Variants in IRX3 observed in about 807,000 individuals in gnomAD.
The protein encoded by IRX3 is iroquois homeobox 3.
IRX3 carries 20 observed loss-of-function variants against 36.4 expected under a neutral mutation model. That is an observed-to-expected ratio of 0.55 (90% CI 0.39 to 0.80). The LOEUF (loss-of-function observed/expected upper bound fraction) is 0.80. Among genes scored for constraint, IRX3 ranks in the 30% least tolerant of loss-of-function variants. The pLI is 0.00. For synonymous variants in IRX3, 404 were observed against 351.6 expected, an observed-to-expected ratio of 1.15 and a Z score of -1.67; for missense variants, 718 against 733.2, an observed-to-expected ratio of 0.98 and a Z score of 0.24.
At position 54,285,833 on chromosome 16, in the gene IRX3, T is replaced by C. The variant is rs746071257; in HGVS notation, c.218A>G (p.Tyr73Cys). Residue 73 changes from tyrosine (Y) to cysteine (C), a missense_variant, in exon 1 of 4, where the codon TAC becomes TGC. By Grantham distance (194) the Tyr-to-Cys change is radical (BLOSUM62 -2). Coordinates refer to ENST00000329734, the MANE Select transcript of IRX3 (RefSeq NM_024336.3). This position sits in a 1 kb window ranked among gnomAD's most constrained non-coding sequence, Gnocchi z 5.7. ...AAAAAAAAQGYGAFLPYAAEL... is the reference protein window; with the variant it reads ...AAAAAAAAQGCGAFLPYAAEL... ...CGCGGCGTAGGGCAGGAAGGCGCCG[T>C]AGCCTTGGGCGGCGGCGGCCGCAGC... 5.1e-6 allele frequency: 8 copies of C among 1,562,248 alleles called. No homozygotes were observed. Among genetic ancestry groups the C allele is most frequent in the South Asian group, 2.3e-5 (2 of 85,536 alleles).
Position 54,285,457 on chromosome 16 carries a change from G to A in IRX3, c.424C>T (p.Leu142=), listed in dbSNP as rs1596759625. 6.2e-7 allele frequency: 1 copy of A among 1,614,072 alleles called. No individual in the cohort carries two copies. Among genetic ancestry groups the A allele is most frequent in the East Asian group, 2.2e-5 (1 of 44,864 alleles). ...KNATRESTST[L]KAWLNEHRKN... Reference sequence around the variant, plus strand: ...CGGTGCTCGTTGAGCCAGGCCTTCAGCGTGCTGGTGCTCTCCCTGGTGGCG... The same window carrying A: ...CGGTGCTCGTTGAGCCAGGCCTTCAACGTGCTGGTGCTCTCCCTGGTGGCG... Residue 142 remains leucine (L), a synonymous_variant, in exon 2 of 4, where the codon CTG becomes TTG. Transcript: ENST00000329734. This position sits in a 1 kb window ranked among gnomAD's most constrained non-coding sequence, Gnocchi z 5.7.
Position 54,284,172 on chromosome 16 carries a change from G to T in IRX3, c.1451+74C>A. The T allele has an allele frequency of 1.4e-6, 2 of 1,436,346 alleles. No individual in the cohort carries two copies. Among genetic ancestry groups the T allele is most frequent in the Non-Finnish European group, 1.9e-6 (2 of 1,035,130 alleles). 89.0% of individuals were successfully genotyped at this position (1,436,346 alleles called of 1,614,324 possible). ...CCCCCCTACCCCGGGGCAAAAGGCC[G>T]TGCGTGGTGCTCGGCGTCCTCTCCT... On this transcript the variant is annotated intron_variant, in intron 3 of 3. Coordinates refer to ENST00000329734, the MANE Select transcript of IRX3 (RefSeq NM_024336.3). This position sits in a 1 kb window ranked among gnomAD's most constrained non-coding sequence, Gnocchi z 4.0.
rs1450355 is a variant in IRX3 at position 54,284,616 on chromosome 16, A to G, written c.1265T>C (p.Leu422Pro). ...PFPGPPPGPRLHPLSLLGSAP... is the reference protein window; with the variant it reads ...PFPGPPPGPRPHPLSLLGSAP... ...AGAGCCCAGCAGGGAGAGCGGGTGC[A>G]GGCGGGGGCCGGGCGGTGGGCCTGG... Residue 422 changes from leucine (L) to proline (P), a missense_variant, in exon 2 of 4, where the codon CTG becomes CCG. Leu to Pro is a moderately conservative substitution (Grantham distance 98, BLOSUM62 -3). Around this residue, in one of 3 missense-constraint regions of IRX3, gnomAD observed 468 missense variants for 462.1 expected, o/e 1.01. Coordinates refer to ENST00000329734, the MANE Select transcript of IRX3 (RefSeq NM_024336.3). This position sits in a 1 kb window ranked among gnomAD's most constrained non-coding sequence, Gnocchi z 4.0. The G allele has an allele frequency of 1, 1,366,850 of 1,372,996 alleles. 680,605 individuals carry two copies. The highest frequency in any genetic ancestry group is 1 in the East Asian group (32,751 of 32,752). The allele number at this position is 1,372,996 out of a possible 1,614,324, so 85.1% of individuals were successfully genotyped here.
In IRX3 at chr16:54,285,541, G is replaced by T; in HGVS notation, c.340C>A (p.His114Asn). 1 of 1,609,018 alleles carries T rather than the reference G, an allele frequency of 6.2e-7. No homozygotes were observed. The highest frequency in any genetic ancestry group is 8.5e-7 in the Non-Finnish European group (1 of 1,177,404). ...PAAAAAFPHP[H>N]PAFYPYGQYQ... is the part of the protein sequence containing the mutation. ...TGGCCATACGGGTAGAAGGCGGGGT[G>T]CGGGTGCGGAAACGCGGCAGCCGCG... Residue 114 changes from histidine to asparagine, a missense_variant, in exon 2 of 4, where the codon CAC becomes AAC. Transcript: ENST00000329734. This position sits in a 1 kb window ranked among gnomAD's most constrained non-coding sequence, Gnocchi z 5.7.
In IRX3 at chr16:54,284,891, G is replaced by A; in HGVS notation, c.990C>T (p.Ser330=). ...CTGGTGCGGGAGCGCAGGGGTCCAG[G>A]CTCACGGGGGGCGACGGCAGAGACG... The part of the protein sequence containing the change: ...ASPSLPSPPV[S]LDPCAPAPAP... Residue 330 remains serine (S), a synonymous_variant, in exon 2 of 4, where the codon AGC becomes AGT. Transcript: ENST00000329734. This position sits in a 1 kb window ranked among gnomAD's most constrained non-coding sequence, Gnocchi z 4.0. The A allele has an allele frequency of 6.4e-7, 1 of 1,571,302 alleles. No homozygotes were observed. The highest frequency in any genetic ancestry group is 8.6e-7 in the Non-Finnish European group (1 of 1,159,638).
Position 54,286,384 on chromosome 16 carries a change from T to C in IRX3, c.-334A>G. 1 of 986,976 alleles carries C rather than the reference T, an allele frequency of 1.0e-6. No homozygotes were observed. Among genetic ancestry groups the C allele is most frequent in the Non-Finnish European group, 1.2e-6 (1 of 831,160 alleles). 61.1% of individuals were successfully genotyped at this position (986,976 alleles called of 1,614,324 possible). A position where few individuals can be genotyped will look rare whatever the true frequency, so the allele number is the denominator to read the frequency against. On this transcript the variant is annotated 5_prime_UTR_variant, in exon 1 of 4. Coordinates refer to ENST00000329734, the MANE Select transcript of IRX3 (RefSeq NM_024336.3). The stretch of plus-strand genomic sequence containing the variant: ...CGCCGGAGCTGCCTCTGCCCGCTCC[T>C]CGCTCCTCACTGCCCTCCTCTCCCC...
chr16:54,286,529 G>C lies in IRX3; in HGVS notation c.-479C>G. The C allele has an allele frequency of 3.4e-6, 1 of 292,278 alleles. No homozygotes were observed. Among genetic ancestry groups the C allele is most frequent in the Non-Finnish European group, 5.1e-6 (1 of 196,530 alleles). The allele number at this position is 292,278 out of a possible 1,614,324, so 18.1% of individuals were successfully genotyped here. A position where few individuals can be genotyped will look rare whatever the true frequency, so the allele number is the denominator to read the frequency against. Reference sequence around the variant, plus strand: ...CCCAGGATCGCTTCCGCTGCTTCGGGCTCCTGCACTGCCCTGGACGCTATG... The same window carrying C: ...CCCAGGATCGCTTCCGCTGCTTCGGCCTCCTGCACTGCCCTGGACGCTATG... On this transcript the variant is annotated 5_prime_UTR_variant, in exon 1 of 4. Coordinates refer to ENST00000329734, the MANE Select transcript of IRX3 (RefSeq NM_024336.3).
Position 54,285,161 on chromosome 16 carries a change from C to G in IRX3, c.720G>C (p.Thr240=), listed in dbSNP as rs1444833877. 6.2e-6 allele frequency: 10 copies of G among 1,606,600 alleles called. No individual in the cohort carries two copies. The highest frequency in any genetic ancestry group is 2.2e-5 in the South Asian group (2 of 90,216). The part of the protein sequence containing the change: ...EEELGGEEED[T]GGEGLADDDE... ...CGTCGTCAGCCAGGCCCTCGCCCCC[C>G]GTGTCCTCCTCCTCCCCCCCGAGCT... The change falls in exon 2 of 4, where the codon ACG becomes ACC. Residue 240 remains threonine (T), a synonymous_variant. Coordinates refer to ENST00000329734, the MANE Select transcript of IRX3 (RefSeq NM_024336.3). This position sits in a 1 kb window ranked among gnomAD's most constrained non-coding sequence, Gnocchi z 5.7.
rs1901301495 is a variant in IRX3, at chr16:54,285,358, A to T, written c.523T>A (p.Ser175Thr). The T allele has an allele frequency of 1.2e-6, 2 of 1,613,914 alleles. No individual in the cohort carries two copies. The highest frequency in any genetic ancestry group is 1.7e-6 in the Non-Finnish European group (2 of 1,180,016). Residue 175 changes from serine (S) to threonine (T), a missense_variant, in exon 2 of 4, where the codon TCC becomes ACC. This residue lies in a region of IRX3 where 46 missense variants were observed against 89.7 expected (regional missense o/e 0.51). Coordinates refer to ENST00000329734, the MANE Select transcript of IRX3 (RefSeq NM_024336.3). This position sits in a 1 kb window ranked among gnomAD's most constrained non-coding sequence, Gnocchi z 5.7. ...IITKMTLTQV[S>T]TWFANARRRL... Reference sequence around the variant, plus strand: ...CGGCGCGCGTTGGCGAACCAGGTGGACACCTGGGTGAGGGTCATCTTGGTG... The same window carrying T: ...CGGCGCGCGTTGGCGAACCAGGTGGTCACCTGGGTGAGGGTCATCTTGGTG...
At position 54,284,184 on chromosome 16, in the gene IRX3, C is replaced by A. The variant is rs1469899391; in HGVS notation, c.1451+62G>T. ...GGGGCAAAAGGCCGTGCGTGGTGCT[C>A]GGCGTCCTCTCCTTTCCCCGCCAGC... On this transcript the variant is annotated intron_variant, in intron 3 of 3. Coordinates refer to ENST00000329734, the MANE Select transcript of IRX3 (RefSeq NM_024336.3). The surrounding 1 kb of genome is among the most constrained non-coding windows in gnomAD (Gnocchi z 4.0). 13 of 1,490,530 alleles carry A rather than the reference C, an allele frequency of 8.7e-6. No homozygotes were observed. The highest frequency in any genetic ancestry group is 8.4e-5 in the African/African-American group (6 of 71,370). 92.3% of individuals were successfully genotyped at this position (1,490,530 alleles called of 1,614,324 possible).
rs1350510265 is a variant in IRX3 at position 54,286,459 on chromosome 16, C to T, written c.-409G>A. The T allele has an allele frequency of 6.6e-6, 6 of 907,134 alleles. No homozygotes were observed. Among genetic ancestry groups the T allele is most frequent in the Non-Finnish European group, 7.9e-6 (6 of 758,436 alleles). 56.2% of individuals were successfully genotyped at this position (907,134 alleles called of 1,614,324 possible). ...CGCCCTCCTCTAGTTTTCACTCCCCCTCCTCGCCCTTCCTCTCCCCTCCCC... is the reference window on the plus strand; with the variant it reads ...CGCCCTCCTCTAGTTTTCACTCCCCTTCCTCGCCCTTCCTCTCCCCTCCCC... On this transcript the variant is annotated 5_prime_UTR_variant, in exon 1 of 4. Coordinates refer to ENST00000329734, the MANE Select transcript of IRX3 (RefSeq NM_024336.3).
At position 54,283,982 on chromosome 16, in the gene IRX3, C is replaced by T; in HGVS notation, c.1452-242G>A. On this transcript the variant is annotated intron_variant, in intron 3 of 3. Coordinates refer to ENST00000329734, the MANE Select transcript of IRX3 (RefSeq NM_024336.3). The surrounding 1 kb of genome is among the most constrained non-coding windows in gnomAD (Gnocchi z 4.4). ...GAGAACCGCCACCCGCCCCAGGGGCCTGTGGGCCCAGCCACGCAAGGCTTC... is the reference window on the plus strand; with the variant it reads ...GAGAACCGCCACCCGCCCCAGGGGCTTGTGGGCCCAGCCACGCAAGGCTTC... 1 of 1,436,910 alleles carries T rather than the reference C, an allele frequency of 7.0e-7. No homozygotes were observed. Among genetic ancestry groups the T allele is most frequent in the Non-Finnish European group, 9.1e-7 (1 of 1,099,822 alleles). 89.0% of individuals were successfully genotyped at this position (1,436,910 alleles called of 1,614,324 possible).
At position 54,286,138 on chromosome 16, in the gene IRX3, G is replaced by T. The variant is rs1901334392; in HGVS notation, c.-88C>A. ...CCCGCGGGCTCCGGCGCGCATCGGG[G>T]GCTGGGCCGGGCTTGGGGCCGCGCT... is the stretch of plus-strand genomic sequence containing the variant. On this transcript the variant is annotated 5_prime_UTR_variant, in exon 1 of 4. Transcript: ENST00000329734. 6.2e-6 allele frequency: 7 copies of T among 1,133,788 alleles called. No homozygotes were observed. The allele number at this position is 1,133,788 out of a possible 1,614,324, so 70.2% of individuals were successfully genotyped here.
At position 54,284,505 on chromosome 16, in the gene IRX3, C is replaced by G; in HGVS notation, c.1376G>C (p.Gly459Ala). 7.1e-7 allele frequency: 1 copy of G among 1,404,418 alleles called. No individual in the cohort carries two copies. The highest frequency in any genetic ancestry group is 9.2e-7 in the Non-Finnish European group (1 of 1,091,586). The allele number at this position is 1,404,418 out of a possible 1,614,324, so 87.0% of individuals were successfully genotyped here. Residue 459 changes from glycine to alanine, a missense_variant, in exon 2 of 4, where the codon GGC becomes GCC. Transcript: ENST00000329734. This position sits in a 1 kb window ranked among gnomAD's most constrained non-coding sequence, Gnocchi z 4.0. The stretch of plus-strand genomic sequence containing the variant: ...CAGCGCTCAGCAGTCACCTGTTCCG[C>G]CTTCGGGCTCCGCTGGCCGAGCGAA... ...AAFARPAEPEGGTDRCSALEV... is the reference protein window; with the variant it reads ...AAFARPAEPEAGTDRCSALEV...
In IRX3 at chr16:54,284,052, G is replaced by T; in HGVS notation, c.1451+194C>A. 1 of 1,261,832 alleles carries T rather than the reference G, an allele frequency of 7.9e-7. No homozygotes were observed. Among genetic ancestry groups the T allele is most frequent in the Non-Finnish European group, 1.1e-6 (1 of 941,040 alleles). The allele number at this position is 1,261,832 out of a possible 1,614,324, so 78.2% of individuals were successfully genotyped here. On this transcript the variant is annotated intron_variant, in intron 3 of 3. Transcript: ENST00000329734. The surrounding 1 kb of genome is among the most constrained non-coding windows in gnomAD (Gnocchi z 4.0). ...TGTACCCTCCGGCCGCGCCTGGGGT[G>T]CCTGGGCTGGACCTGGAGAGCTGTC...
Position 54,285,656 on chromosome 16 carries a change from G to A in IRX3, c.268-43C>T. The stretch of plus-strand genomic sequence containing the variant: ...AGGAAGGGACACGCGCGGAGGGAGC[G>A]CGAGTGAGCCCCAGCCATCGCTGCC... On this transcript the variant is annotated intron_variant, in intron 1 of 3. Coordinates refer to ENST00000329734, the MANE Select transcript of IRX3 (RefSeq NM_024336.3). This position sits in a 1 kb window ranked among gnomAD's most constrained non-coding sequence, Gnocchi z 5.7. 3.4e-6 allele frequency: 5 copies of A among 1,475,636 alleles called. No homozygotes were observed. The highest frequency in any genetic ancestry group is 2.4e-5 in the Admixed American group (1 of 41,738). The allele number at this position is 1,475,636 out of a possible 1,614,324, so 91.4% of individuals were successfully genotyped here.
rs1278753583 is a variant in IRX3, at chr16:54,284,404, C to G, written c.1385-92G>C. The stretch of plus-strand genomic sequence containing the variant: ...GAAAGCAGGAGTGGAGAGGGACGCG[C>G]GCCCTGCGCCCCCCGGGCCCTGCCC... On this transcript the variant is annotated intron_variant, in intron 2 of 3. Coordinates refer to ENST00000329734, the MANE Select transcript of IRX3 (RefSeq NM_024336.3). This position sits in a 1 kb window ranked among gnomAD's most constrained non-coding sequence, Gnocchi z 4.0. 4.8e-6 allele frequency: 7 copies of G among 1,452,266 alleles called. No homozygotes were observed. In the African/African-American group the frequency reaches 1.0e-4, roughly 22 times the overall value. 90.0% of individuals were successfully genotyped at this position (1,452,266 alleles called of 1,614,324 possible).
rs3751723 is a variant in IRX3 at position 54,286,285 on chromosome 16, G to T, written c.-235C>A. 321,524 of 998,464 alleles carry T rather than the reference G, an allele frequency of 0.32. 53,074 individuals carry two copies. The highest frequency in any genetic ancestry group is 0.52 in the East Asian group (4,713 of 9,118). The allele number at this position is 998,464 out of a possible 1,614,324, so 61.9% of individuals were successfully genotyped here. On this transcript the variant is annotated 5_prime_UTR_variant, in exon 1 of 4. Transcript: ENST00000329734. ...CCGAACAGATTGGCGGAGATTCCCG[G>T]GGCTCCGGGCTCTGATTGACATTTC...
rs780322160 is a variant in IRX3, at chr16:54,285,101, G to A, written c.780C>T (p.Asp260=). Residue 260 remains aspartate, a synonymous_variant, in exon 2 of 4, where the codon GAC becomes GAT. Coordinates refer to ENST00000329734, the MANE Select transcript of IRX3 (RefSeq NM_024336.3). The surrounding 1 kb of genome is among the most constrained non-coding windows in gnomAD (Gnocchi z 5.7). ...ACAGCTCAGGCTCGGTGGCCGCGCC[G>A]TCTAAGTTCTCCAAATCGATCTCCT... ...EDEEIDLENL[D]GAATEPELSL... 1 of 1,613,632 alleles carries A rather than the reference G, an allele frequency of 6.2e-7. No individual in the cohort carries two copies. Among genetic ancestry groups the A allele is most frequent in the Non-Finnish European group, 8.5e-7 (1 of 1,179,924 alleles).
Sources: gnomAD v4.1 joint callset for allele counts on GRCh38, gnomAD v4.1.1 for gene constraint, gnomAD v4.1.1 regional missense constraint, Gnocchi (gnomAD v3.1) non-coding constraint, MANE v1.5 for transcripts, NCBI Gene and HGNC (gene_info 2026-07-23, HGNC 2026-07-21) for gene names.